PLCH1: variants seen among roughly 807,000 people sequenced by gnomAD.
PLCH1 encodes 1-phosphatidylinositol 4,5-bisphosphate phosphodiesterase eta-1.
Under a neutral mutation model 126.7 loss-of-function variants are expected in PLCH1, and 60 were observed. The ratio of observed to expected loss-of-function variants is 0.47; its 90% confidence interval spans 0.38 to 0.59. The LOEUF is 0.59. Ranked by LOEUF, PLCH1 falls within the 20% of genes least tolerant of loss-of-function variation. The pLI is 0.00. For synonymous variants in PLCH1, 719 were observed against 734.9 expected (o/e 0.98, Z 0.35); for missense variants, 1,723 against 2,040.0 (o/e 0.84, Z 2.99).
chr3:155,494,118 A>G (rs1385916731), intron 17 of PLCH1, 23 bp downstream of exon 17: 2 of 1,553,344 alleles, frequency 1.3e-6, no homozygotes, highest in East Asian at 2.2e-5. Flanking sequence ...ACCTGCATTT[A>G]TGACTATGAA....
intron 21 of PLCH1, among the ~76,000 whole-genome samples, chr3:155,468,758 C>T (rs1713027728): frequency 6.6e-6 from 1 of 151,756 alleles, no homozygotes; most frequent in African/African-American, 2.4e-5. Flanking sequence ...AAAGGAGCAC[C>T]CAGATATATA....
At chr3:155,699,693 T>G (rs1746115260) in intron 2 of PLCH1, among the ~76,000 whole-genome samples, 1 of 152,202 alleles carries the variant, frequency 6.6e-6, no homozygotes. Context: ...TTTCTTCCAG[T>G]GCAGATGGAA....
At chr3:155,630,709 G>T (rs994933072) in intron 2 of PLCH1, among the ~76,000 whole-genome samples, 1 of 152,156 alleles carries the variant, frequency 6.6e-6, no homozygotes. Context: ...ACAGAGAAAA[G>T]ACTTTATACA....
chr3:155,494,058 C>A lies in PLCH1; in HGVS notation c.2182+83G>T, dbSNP rs546363990. The A allele has an allele frequency of 4.2e-4, 451 of 1,071,802 alleles. No individual in the cohort carries two copies. In the African/African-American group the frequency reaches 6.0e-3, roughly 14 times the overall value. 66.4% of individuals were successfully genotyped at this position (1,071,802 alleles called of 1,614,324 possible). On this transcript the variant is annotated intron_variant, in intron 17 of 22. Coordinates refer to ENST00000460012, the MANE Select transcript of PLCH1 (RefSeq NM_014996.4). ...ACTCTGGGGTATCACACTTTCTAAA[C>A]AGCTTCCTTAATAAAGGTTGCCTGC...
At chr3:155,495,256 C>G (rs967267008) in intron 15 of PLCH1, among the ~76,000 whole-genome samples, 1 of 152,098 alleles carries the variant, frequency 6.6e-6, no homozygotes, top group African/African-American at 2.4e-5. Context: ...TCTGCCAGCA[C>G]AATCATCAGG....
chr3:155,664,677 C>T (rs1013957956), intron 2 of PLCH1, among the ~76,000 whole-genome samples: 1 of 152,126 alleles, frequency 6.6e-6, no homozygotes. Flanking sequence ...TTTTAAATTG[C>T]AAAACAGTGA....
intron 10 of PLCH1, among the ~76,000 whole-genome samples, chr3:155,529,798 C>T (rs1016831849): frequency 8.5e-6 from 1 of 117,356 alleles, no homozygotes; most frequent in African/African-American, 2.9e-5. Context: ...TGCAGTTTTG[C>T]TCTTGTTGCC....
At chr3:155,570,803 G>A (rs542635829) in intron 6 of PLCH1, among the ~76,000 whole-genome samples, 4 of 152,112 alleles carry the variant, frequency 2.6e-5, no homozygotes, top group Admixed American at 1.3e-4. Context: ...TATTTCTATT[G>A]AAAAATTAAA....
chr3:155,676,692 C>T (rs1879090), intron 2 of PLCH1, among the ~76,000 whole-genome samples: 26,478 of 152,108 alleles, frequency 0.17, 2,690 homozygotes, highest in East Asian at 0.43. Flanking sequence ...ATATTCAAAG[C>T]GTTGAGGGTT....
rs1431563129 is a variant in PLCH1, at chr3:155,583,452, T to G, written c.771+20A>C. ...ATGAGTACTTTTAAGTAAACTTTCATTTTAACAGTCTAATGATACCTTTTG... is the reference window on the plus strand; with the variant it reads ...ATGAGTACTTTTAAGTAAACTTTCAGTTTAACAGTCTAATGATACCTTTTG... On this transcript the variant is annotated intron_variant, in intron 6 of 22. Coordinates refer to ENST00000460012, the MANE Select transcript of PLCH1 (RefSeq NM_014996.4). 1 of 1,555,990 alleles carries G rather than the reference T, an allele frequency of 6.4e-7. No homozygotes were observed. Among genetic ancestry groups the G allele is most frequent in the Non-Finnish European group, 8.7e-7 (1 of 1,152,284 alleles).
chr3:155,592,598 C>G (rs1732354420), intron 4 of PLCH1, among the ~76,000 whole-genome samples: 1 of 152,094 alleles, frequency 6.6e-6, no homozygotes, highest in Non-Finnish European at 1.5e-5. Flanking sequence ...GACCAAAGGG[C>G]AGTCGGCTGC....
intron 2 of PLCH1, among the ~76,000 whole-genome samples, chr3:155,675,681 T>A (rs1744013135): frequency 6.6e-6 from 1 of 152,192 alleles, no homozygotes; most frequent in Non-Finnish European, 1.5e-5. Context: ...CAAATGAAAT[T>A]TTTAGGCATG....
intron 8 of PLCH1, among the ~76,000 whole-genome samples, chr3:155,561,748 C>G (rs529152411): frequency 1.5e-4 from 23 of 152,152 alleles, no homozygotes; most frequent in Non-Finnish European, 7.4e-5. Flanking sequence ...ACAGTCCCAC[C>G]AACAGTGTAA....
chr3:155,708,276 T>C (rs1255425375), intron 1 of PLCH1, among the ~76,000 whole-genome samples: 5 of 152,084 alleles, frequency 3.3e-5, no homozygotes, highest in Non-Finnish European at 7.4e-5. Flanking sequence ...AGATAATAAA[T>C]AGAGTTAGTA....
At chr3:155,692,621 A>G (rs1379727145) in intron 2 of PLCH1, among the ~76,000 whole-genome samples, 6 of 151,986 alleles carry the variant, frequency 3.9e-5, no homozygotes, top group African/African-American at 1.5e-4. Flanking sequence ...CTTGTTCCGT[A>G]CTGTTGCCTG....
intron 2 of PLCH1, among the ~76,000 whole-genome samples, chr3:155,633,536 A>T (rs1185640493): frequency 6.6e-6 from 1 of 152,028 alleles, no homozygotes; most frequent in African/African-American, 2.4e-5. Flanking sequence ...ATATGCTTTT[A>T]TTACTGCTAT....
At chr3:155,451,938 G>A (rs975315348) in intron 21 of PLCH1, among the ~76,000 whole-genome samples, 2 of 151,990 alleles carry the variant, frequency 1.3e-5, no homozygotes, top group Non-Finnish European at 2.9e-5. Flanking sequence ...CTCTTCTGCC[G>A]GGACTTCTCA....
intron 10 of PLCH1, among the ~76,000 whole-genome samples, chr3:155,532,341 A>T (rs2108339397): frequency 6.6e-6 from 1 of 152,312 alleles, no homozygotes; most frequent in East Asian, 1.9e-4. Flanking sequence ...GCTCTGTGAG[A>T]CAGCTGAAAA....
rs528115691 is a variant in PLCH1 at position 155,541,022 on chromosome 3, G to A, written c.1362+8765C>T. Among the ~76,000 whole-genome samples, 11 of 152,264 alleles carry A rather than the reference G, an allele frequency of 7.2e-5. No homozygotes were observed. The East Asian group carries it at 9.6e-4, about 13-fold the overall frequency. ...CAATCAACGAGTGGATAAAGAAAATGTGGTATACATATATACACCGTGGAA... is the reference window on the plus strand; with the variant it reads ...CAATCAACGAGTGGATAAAGAAAATATGGTATACATATATACACCGTGGAA... On this transcript the variant is annotated intron_variant, in intron 10 of 22. Transcript: ENST00000460012.
Sources: gnomAD v4.1 joint callset for allele counts (sites outside exome capture counted in the v4.1 genomes callset) on GRCh38, gnomAD v4.1.1 for gene constraint, MANE v1.5 for transcripts, NCBI Gene and HGNC (gene_info 2026-07-23, HGNC 2026-07-21) for gene names.